Variants in C13orf42 observed in about 807,000 individuals in gnomAD.
C13orf42 encodes the protein chromosome 13 open reading frame 42.
chr13:51,161,301 G>A (rs1260024968), intron 1 of C13orf42, among the ~76,000 whole-genome samples: 1 of 151,784 alleles, frequency 6.6e-6, no homozygotes. Flanking sequence ...AGTGATAGAA[G>A]CAGAAATGCA....
At chr13:51,142,409 A>G (rs1953702139) in intron 1 of C13orf42, among the ~76,000 whole-genome samples, 1 of 152,212 alleles carries the variant, frequency 6.6e-6, no homozygotes, top group South Asian at 2.1e-4. Flanking sequence ...TTAAATCATG[A>G]CTATCACAGT....
chr13:51,125,396 T>C (rs1362920688), intron 1 of C13orf42, among the ~76,000 whole-genome samples: 2 of 152,160 alleles, frequency 1.3e-5, no homozygotes, highest in African/African-American at 2.4e-5. Flanking sequence ...CCTGGTTCAG[T>C]TGAGGATTTT....
chr13:51,101,359 T>C (rs1424938719), intron 1 of C13orf42, among the ~76,000 whole-genome samples: 1 of 152,238 alleles, frequency 6.6e-6, no homozygotes, highest in African/African-American at 2.4e-5. Flanking sequence ...CTGTGTGTTA[T>C]GAATTTCATC....
intron 1 of C13orf42, among the ~76,000 whole-genome samples, chr13:51,166,336 G>A (rs946251652): frequency 1.4e-4 from 21 of 150,158 alleles, no homozygotes; most frequent in African/African-American, 4.4e-4. Flanking sequence ...GTAAACTATC[G>A]CAAGAACAAA....
intron 1 of C13orf42, among the ~76,000 whole-genome samples, chr13:51,171,829 CA>C (rs1428114899): frequency 1.4e-4 from 22 of 152,114 alleles, no homozygotes; most frequent in Non-Finnish European, 8.8e-5. Flanking sequence ...TGTTTGGCAG[CA>C]ACCCTGAGAC....
intron 1 of C13orf42, among the ~76,000 whole-genome samples, chr13:51,138,354 C>A (rs1953672455): frequency 6.6e-6 from 1 of 152,148 alleles, no homozygotes; most frequent in African/African-American, 2.4e-5. Flanking sequence ...TTTCTTACAA[C>A]TCAATAGCCA....
chr13:51,100,966 C>A (rs1953284133), intron 1 of C13orf42, among the ~76,000 whole-genome samples: 1 of 152,026 alleles, frequency 6.6e-6, no homozygotes, highest in African/African-American at 2.4e-5. Flanking sequence ...AAAGAACTCA[C>A]AATATATAAC....
At chr13:51,118,831 A>G (rs555902763) in intron 1 of C13orf42, among the ~76,000 whole-genome samples, 1 of 152,162 alleles carries the variant, frequency 6.6e-6, no homozygotes, top group African/African-American at 2.4e-5. Context: ...ATGCTTGGGC[A>G]TACAGTATGC....
chr13:51,115,002 TA>T (rs1279765884), upstream of C13orf42, among the ~76,000 whole-genome samples: 1 of 152,110 alleles, frequency 6.6e-6, no homozygotes, highest in African/African-American at 2.4e-5. Flanking sequence ...ATACCTTAAA[TA>T]AATACAATTA....
chr13:51,155,500 C>A (rs1953817746), intron 1 of C13orf42, among the ~76,000 whole-genome samples: 1 of 152,144 alleles, frequency 6.6e-6, no homozygotes, highest in African/African-American at 2.4e-5. Flanking sequence ...TGGAAACCCA[C>A]TACAGCCAGT....
At chr13:51,098,210 C>A (rs545430376) in intron 1 of C13orf42, among the ~76,000 whole-genome samples, 1 of 152,064 alleles carries the variant, frequency 6.6e-6, no homozygotes, top group Non-Finnish European at 1.5e-5. Context: ...CTGAGATGCT[C>A]CCTTCCCCAG....
intron 1 of C13orf42, among the ~76,000 whole-genome samples, chr13:51,129,234 C>T (rs1953597306): frequency 6.6e-6 from 1 of 152,208 alleles, no homozygotes; most frequent in Non-Finnish European, 1.5e-5. Flanking sequence ...ACTGGCAAAA[C>T]AGAATATCTG....
chr13:51,126,171 C>T (rs1953575717), intron 1 of C13orf42, among the ~76,000 whole-genome samples: 2 of 152,192 alleles, frequency 1.3e-5, no homozygotes, highest in Admixed American at 1.3e-4. Context: ...ATGCATTGAG[C>T]ACCTACCATA....
intron 1 of C13orf42, among the ~76,000 whole-genome samples, chr13:51,151,783 A>G (rs1404446922): frequency 6.6e-6 from 1 of 152,238 alleles, no homozygotes; most frequent in East Asian, 1.9e-4. Flanking sequence ...GGCTTCCTGG[A>G]GCAGAGGAGA....
chr13:51,169,027 T>C (rs1420086581), intron 1 of C13orf42, among the ~76,000 whole-genome samples: 1 of 152,186 alleles, frequency 6.6e-6, no homozygotes, highest in African/African-American at 2.4e-5. Flanking sequence ...TAACCCAGTT[T>C]CGGGTGGTTC....
At chr13:51,151,441 A>G (rs955616221) in intron 1 of C13orf42, among the ~76,000 whole-genome samples, 2 of 152,238 alleles carry the variant, frequency 1.3e-5, no homozygotes, top group African/African-American at 4.8e-5. Flanking sequence ...GAGCCTCTAG[A>G]AGGAACTGAA....
intron 1 of C13orf42, among the ~76,000 whole-genome samples, chr13:51,125,623 A>C (rs12861479): frequency 0.12 from 18,858 of 152,224 alleles, 1,283 homozygotes; most frequent in African/African-American, 0.16. Flanking sequence ...GCTTGTGAAG[A>C]ATCACTCAGG....
intron 1 of C13orf42, among the ~76,000 whole-genome samples, chr13:51,096,217 G>C (rs925557945): frequency 6.6e-6 from 1 of 152,216 alleles, no homozygotes. Flanking sequence ...CCTAAAGAGA[G>C]GGTTTCCCTC....
chr13:51,104,144 C>A (rs1953323540), intron 1 of C13orf42, among the ~76,000 whole-genome samples: 1 of 152,186 alleles, frequency 6.6e-6, no homozygotes, highest in African/African-American at 2.4e-5. Flanking sequence ...GGTCCACGAT[C>A]TTTTAAGGAA....
Sources: allele counts gnomAD v4.1 joint callset (sites outside exome capture counted in the v4.1 genomes callset), GRCh38; gene constraint gnomAD v4.1.1; transcripts MANE v1.5; gene names NCBI Gene and HGNC (gene_info 2026-07-23, HGNC 2026-07-21).